Variants in OR6N1 observed in about 807,000 individuals in gnomAD.
The protein encoded by OR6N1 is olfactory receptor 6N1.
For missense variants in OR6N1, 394 were observed against 371.7 expected, an observed-to-expected ratio of 1.06 and a Z score of -0.49; for synonymous variants, 170 against 150.7, an observed-to-expected ratio of 1.13 and a Z score of -0.94.
At chr1:158,834,227 A>T in the OR6N1 span, among the ~76,000 whole-genome samples, 2 of 141,540 alleles carry the variant, frequency 1.4e-5, no homozygotes, top group East Asian at 2.0e-4. Flanking sequence ...CAAGTCCTTT[A>T]TCAATTTTTT....
At chr1:158,835,622 G>A in the OR6N1 span, among the ~76,000 whole-genome samples, 7 of 12,980 alleles carry the variant, frequency 5.4e-4, no homozygotes, top group African/African-American at 1.3e-3. Context: ...TGGTGGGGGC[G>A]GGGGGTGGGT....
At chr1:158,777,205 A>G in the OR6N1 span, 107 of 1,614,026 alleles carry the variant, frequency 6.6e-5, no homozygotes, top group South Asian at 8.5e-4. Context: ...AGCAGCAGCC[A>G]TCTTGGCACA....
At chr1:158,836,158 G>A in the OR6N1 span, among the ~76,000 whole-genome samples, 291 of 151,754 alleles carry the variant, frequency 1.9e-3, 1 homozygote, top group African/African-American at 6.4e-3. Flanking sequence ...AAAATGCATC[G>A]ACATGCATAA....
chr1:158,802,199 CTTTTTTTTTTTTTT>C, the OR6N1 span, among the ~76,000 whole-genome samples: 4 of 105,208 alleles, frequency 3.8e-5, no homozygotes, highest in South Asian at 3.3e-4. Flanking sequence ...CCTCATAGCA[CTTTTTTTTTTTTTT>C]TTTTTTTTTT....
chr1:158,839,825 T>A, the OR6N1 span, among the ~76,000 whole-genome samples: 37,519 of 152,148 alleles, frequency 0.25, 5,194 homozygotes, highest in Non-Finnish European at 0.31. Flanking sequence ...GTTTGGTTCA[T>A]AAATTGTTCT....
the OR6N1 span, among the ~76,000 whole-genome samples, chr1:158,828,874 C>T: frequency 6.6e-6 from 1 of 152,204 alleles, no homozygotes; most frequent in Non-Finnish European, 1.5e-5. Flanking sequence ...GGCAGAGGTT[C>T]CCAAACCTCA....
At chr1:158,808,772 A>C in the OR6N1 span, 1 of 152,480 alleles carries the variant, frequency 6.6e-6, no homozygotes, top group Non-Finnish European at 1.5e-5. Flanking sequence ...GCTTGTGTCC[A>C]CACATGCCAA....
upstream of OR6N1, chr1:158,774,283 G>A (rs193049013): frequency 3.6e-4 from 55 of 152,316 alleles, no homozygotes; most frequent in African/African-American, 1.3e-3. Flanking sequence ...TGACAGCAGG[G>A]AGGATTTGGA....
chr1:158,783,576 G>T, the OR6N1 span, among the ~76,000 whole-genome samples: 2 of 152,076 alleles, frequency 1.3e-5, no homozygotes, highest in Non-Finnish European at 2.9e-5. Flanking sequence ...TGACCACTCT[G>T]TCTAAACATT....
chr1:158,776,555 C>A, upstream of OR6N1: 3 of 532,756 alleles, frequency 5.6e-6, no homozygotes, highest in South Asian at 3.6e-5. Flanking sequence ...ATGAGAAAAT[C>A]ATAAAGAAAT....
At chr1:158,811,601 A>G in the OR6N1 span, among the ~76,000 whole-genome samples, 1 of 152,226 alleles carries the variant, frequency 6.6e-6, no homozygotes, top group Admixed American at 6.5e-5. Context: ...GGCCGTATAA[A>G]TAACAGATTG....
At chr1:158,797,313 A>G in the OR6N1 span, among the ~76,000 whole-genome samples, 1 of 152,184 alleles carries the variant, frequency 6.6e-6, no homozygotes, top group Non-Finnish European at 1.5e-5. Context: ...ACCTTTTCCA[A>G]TGTAGTAACT....
the OR6N1 span, among the ~76,000 whole-genome samples, chr1:158,836,718 T>G: frequency 6.6e-6 from 1 of 151,730 alleles, no homozygotes; most frequent in Admixed American, 6.6e-5. Context: ...AATCTCAATT[T>G]TACCTCTAAT....
the OR6N1 span, among the ~76,000 whole-genome samples, chr1:158,780,085 C>T: frequency 6.6e-6 from 1 of 152,288 alleles, no homozygotes; most frequent in East Asian, 1.9e-4. Context: ...CTTAGCAATA[C>T]AAAGCTTACA....
At chr1:158,787,633 T>TCA in the OR6N1 span, among the ~76,000 whole-genome samples, 16 of 114,658 alleles carry the variant, frequency 1.4e-4, no homozygotes, top group African/African-American at 2.5e-4. Context: ...TCTCTCTCTC[T>TCA]CTCACACACA....
At chr1:158,773,915 C>G (rs557765622), upstream of OR6N1, among the ~76,000 whole-genome samples, 2 of 152,142 alleles carry the variant, frequency 1.3e-5, no homozygotes, top group African/African-American at 2.4e-5. Context: ...CATTGTTTAG[C>G]TTTGAGATAG....
In OR6N1 at chr1:158,765,818, T is replaced by C. The variant is rs1657238073; in HGVS notation, c.865A>G (p.Ile289Val). 7 of 1,614,144 alleles carry C rather than the reference T, an allele frequency of 4.3e-6. No homozygotes were observed. The highest frequency in any genetic ancestry group is 5.9e-6 in the Non-Finnish European group (7 of 1,180,000). ...ATCTCCTTGTTGCGCAAGCTGTAGATGAAGGGGTTGAGGAAGGGTGTGAGC... is the reference window on the plus strand; with the variant it reads ...ATCTCCTTGTTGCGCAAGCTGTAGACGAAGGGGTTGAGGAAGGGTGTGAGC... ...SVLTPFLNPF[I>V]YSLRNKEIKE... is the part of the protein sequence containing the mutation. The change falls in exon 2 of 2, where the codon ATC becomes GTC. Residue 289 changes from isoleucine (I) to valine (V), a missense_variant. Coordinates refer to ENST00000641846, the MANE Select transcript of OR6N1 (RefSeq NM_001005185.2).
At chr1:158,820,902 C>T in the OR6N1 span, among the ~76,000 whole-genome samples, 2 of 152,282 alleles carry the variant, frequency 1.3e-5, no homozygotes, top group Admixed American at 1.3e-4. Context: ...TACCAGCCTT[C>T]AGAAGTTATT....
chr1:158,832,902 G>T, the OR6N1 span, among the ~76,000 whole-genome samples: 1 of 151,862 alleles, frequency 6.6e-6, no homozygotes, highest in Non-Finnish European at 1.5e-5. Context: ...ATTCTATAAA[G>T]GTATATATTT....
Sources: gnomAD v4.1 joint callset for allele counts (sites outside exome capture counted in the v4.1 genomes callset) on GRCh38, gnomAD v4.1.1 for gene constraint, MANE v1.5 for transcripts, NCBI Gene and HGNC (gene_info 2026-07-23, HGNC 2026-07-21) for gene names.